ZNG1B: variants seen among roughly 807,000 people sequenced by gnomAD.
ZNG1B encodes the protein Zn regulated GTPase metalloprotein activator 1B, also known as zinc-regulated GTPase metalloprotein activator 1B.
the ZNG1B span, among the ~76,000 whole-genome samples, chr2:113,439,381 CAACTTAA>C: frequency 3.9e-5 from 6 of 151,968 alleles, no homozygotes; most frequent in Admixed American, 1.3e-4. Context: ...TGATGTCCTA[CAACTTAA>C]AACTTAACAT....
At chr2:113,456,014 G>A in the ZNG1B span, among the ~76,000 whole-genome samples, 5 of 151,782 alleles carry the variant, frequency 3.3e-5, no homozygotes, top group Admixed American at 6.6e-5. Context: ...CACCACGCCC[G>A]GCCTGAACTT....
chr2:113,447,326 A>G, the ZNG1B span: 3 of 355,586 alleles, frequency 8.4e-6, no homozygotes, highest in South Asian at 6.2e-5. Flanking sequence ...ACTGTAGTCT[A>G]TAAAATGTGT....
At chr2:113,457,177 A>G in the ZNG1B span, 3 of 454,426 alleles carry the variant, frequency 6.6e-6, no homozygotes, top group Non-Finnish European at 8.8e-6. Flanking sequence ...AATGCAATAG[A>G]AGCAATGAAT....
chr2:113,483,352 C>T, the ZNG1B span, among the ~76,000 whole-genome samples: 1 of 152,024 alleles, frequency 6.6e-6, no homozygotes, highest in Non-Finnish European at 1.5e-5. Flanking sequence ...AATGCTTTTG[C>T]CTGGCAAGAG....
chr2:113,437,982 C>T, the ZNG1B span: 49 of 1,611,952 alleles, frequency 3.0e-5, no homozygotes, highest in Middle Eastern at 2.3e-4. Flanking sequence ...AGTCTGGCCT[C>T]GGCGCCAAGA....
the ZNG1B span, among the ~76,000 whole-genome samples, chr2:113,461,037 A>G: frequency 2.0e-5 from 3 of 146,854 alleles, no homozygotes; most frequent in East Asian, 3.9e-4. Context: ...TTATATATAT[A>G]TATATATGTA....
the ZNG1B span, among the ~76,000 whole-genome samples, chr2:113,456,649 C>T: frequency 6.6e-6 from 1 of 151,610 alleles, no homozygotes; most frequent in Non-Finnish European, 1.5e-5. Flanking sequence ...AACGTTTAAC[C>T]TCCTGCTACC....
the ZNG1B span, chr2:113,437,834 G>C: frequency 3.7e-6 from 6 of 1,611,058 alleles, no homozygotes; most frequent in Non-Finnish European, 8.5e-7. Context: ...TGGTCCCAGC[G>C]GTTCAGCTGA....
the ZNG1B span, among the ~76,000 whole-genome samples, chr2:113,439,518 G>A: frequency 1.3e-5 from 2 of 152,114 alleles, no homozygotes; most frequent in African/African-American, 2.4e-5. Context: ...TTTATTCGTT[G>A]CATGTTAGCC....
At chr2:113,483,651 T>G in the ZNG1B span, among the ~76,000 whole-genome samples, 1 of 151,088 alleles carries the variant, frequency 6.6e-6, no homozygotes, top group Non-Finnish European at 1.5e-5. Context: ...ACCCCTTGTA[T>G]GCATCACCCA....
the ZNG1B span, among the ~76,000 whole-genome samples, chr2:113,438,534 T>C: frequency 6.6e-6 from 1 of 152,102 alleles, no homozygotes; most frequent in Non-Finnish European, 1.5e-5. Flanking sequence ...TTAAACACTT[T>C]TTTTTTGAGG....
At chr2:113,470,590 T>C in the ZNG1B span, 1 of 218,134 alleles carries the variant, frequency 4.6e-6, no homozygotes, top group Non-Finnish European at 9.1e-6. Flanking sequence ...ATTTTGTACA[T>C]TGGTTATTTG....
chr2:113,464,533 T>C, the ZNG1B span, among the ~76,000 whole-genome samples: 7 of 148,574 alleles, frequency 4.7e-5, no homozygotes, highest in South Asian at 2.2e-4. Context: ...TTTGGTGCCA[T>C]ACAAAGCCAT....
the ZNG1B span, among the ~76,000 whole-genome samples, chr2:113,444,744 T>G: frequency 6.6e-6 from 1 of 152,074 alleles, no homozygotes; most frequent in African/African-American, 2.4e-5. Flanking sequence ...AGTATTATTA[T>G]GTATATGATT....
the ZNG1B span, among the ~76,000 whole-genome samples, chr2:113,463,953 T>C: frequency 1.3e-5 from 2 of 152,248 alleles, no homozygotes; most frequent in Admixed American, 1.3e-4. Context: ...CTCCTAATCT[T>C]GTTTCTCTTC....
At chr2:113,487,167 G>T in the ZNG1B span, among the ~76,000 whole-genome samples, 1 of 152,206 alleles carries the variant, frequency 6.6e-6, no homozygotes, top group South Asian at 2.1e-4. Flanking sequence ...ACTTACCATT[G>T]TGTTATCATT....
chr2:113,441,144 A>AAAT, the ZNG1B span, among the ~76,000 whole-genome samples: 2 of 152,216 alleles, frequency 1.3e-5, no homozygotes, highest in Non-Finnish European at 2.9e-5. Flanking sequence ...GAGTGTTTGT[A>AAAT]AATATTTATA....
the ZNG1B span, among the ~76,000 whole-genome samples, chr2:113,475,801 A>G: frequency 6.6e-6 from 1 of 152,140 alleles, no homozygotes; most frequent in African/African-American, 2.4e-5. Flanking sequence ...TTTCTTTAAG[A>G]ATGTTGAATA....
At chr2:113,489,594 C>G in the ZNG1B span, among the ~76,000 whole-genome samples, 2 of 152,162 alleles carry the variant, frequency 1.3e-5, no homozygotes, top group Non-Finnish European at 2.9e-5. Context: ...AAGAATTCAC[C>G]AACCATCTGT....
Sources: allele counts gnomAD v4.1 joint callset (sites outside exome capture counted in the v4.1 genomes callset), GRCh38; gene constraint gnomAD v4.1.1; transcripts MANE v1.5; gene names NCBI Gene and HGNC (gene_info 2026-07-23, HGNC 2026-07-21).